The following DSG3 variants were observed in gnomAD, a reference collection of about 807,000 sequenced individuals.
DSG3 encodes desmoglein-3.
Under a neutral mutation model 85.9 loss-of-function variants are expected in DSG3, and 63 were observed. The ratio of observed to expected loss-of-function variants is 0.73; its 90% CI spans 0.60 to 0.90. DSG3 has a LOEUF of 0.90. DSG3 is among the 40% of genes least tolerant of loss of function. DSG3 has a pLI of 0.00. For synonymous variants in DSG3, 447 were observed against 441.9 expected (o/e 1.01, Z -0.14); for missense variants, 1,220 against 1,219.9 (o/e 1.00, Z 0.00).
Position 31,472,424 on chromosome 18 carries a change from G to A in DSG3, c.2037+1G>A. 6.2e-7 allele frequency: 1 copy of A among 1,610,024 alleles called. No homozygotes were observed. The highest frequency in any genetic ancestry group is 8.5e-7 in the Non-Finnish European group (1 of 1,178,858). ...TGAAGGAGCCCATCCTGAAGACAAGGTAAGCATCCAGTTCATAAATTATGT... is the reference window on the plus strand; with the variant it reads ...TGAAGGAGCCCATCCTGAAGACAAGATAAGCATCCAGTTCATAAATTATGT... On this transcript the variant is annotated splice_donor_variant, in intron 13 of 15. Transcript: ENST00000257189. LOFTEE classifies it high-confidence loss of function.
At chr18:31,448,060 T>C in intron 1 of DSG3, 135 bp downstream of exon 1, 1 of 545,750 alleles carries the variant, frequency 1.8e-6, no homozygotes, top group Non-Finnish European at 2.9e-6. Flanking sequence ...TGAAATGAAA[T>C]CGTGAAGATT....
intron 1 of DSG3, among the ~76,000 whole-genome samples, chr18:31,449,999 G>T (rs1207608841): frequency 9.2e-5 from 14 of 152,196 alleles, no homozygotes; most frequent in Admixed American, 9.2e-4. Context: ...TGAAATGATA[G>T]TATTTTGGAT....
intron 6 of DSG3, among the ~76,000 whole-genome samples, chr18:31,460,213 T>C (rs542845109): frequency 2.6e-5 from 4 of 152,160 alleles, no homozygotes; most frequent in African/African-American, 9.7e-5. Context: ...GCAGAATCAG[T>C]TGTACCCTGA....
In DSG3 at chr18:31,474,154, C is replaced by A. The variant is rs768429518; in HGVS notation, c.2135C>A (p.Ala712Glu). 1.5e-5 allele frequency: 25 copies of A among 1,613,858 alleles called. No homozygotes were observed. Among genetic ancestry groups the A allele is most frequent in the African/African-American group, 2.7e-5 (2 of 74,908 alleles). ...VCTNTYARGT[A>E]VEGTSGMEMT... ...ACAAATACGTATGCCAGAGGCACAG[C>A]GGTGGAAGGCACTTCAGGAATGGAA... is the stretch of plus-strand genomic sequence containing the variant. Residue 712 changes from alanine (A) to glutamate (E), a missense_variant, in exon 15 of 16, where the codon GCG (alanine) becomes GAG (glutamate). Coordinates refer to ENST00000257189, the MANE Select transcript of DSG3 (RefSeq NM_001944.3).
rs1355027466 is a variant in DSG3 at position 31,456,530 on chromosome 18, AT to A, written c.84+57del. ...AAATAATAGTTTAGTTTAAAAAAAAATTAAATTGTGTTTAGTAGAAATGAAT... is the reference window on the plus strand; with the variant it reads ...AAATAATAGTTTAGTTTAAAAAAAAATAAATTGTGTTTAGTAGAAATGAAT... On this transcript the variant is annotated intron_variant, in intron 2 of 15. Coordinates refer to ENST00000257189, the MANE Select transcript of DSG3 (RefSeq NM_001944.3). The A allele has an allele frequency of 6.0e-6, 6 of 1,001,924 alleles. No individual in the cohort carries two copies. The Admixed American group carries it at 1.2e-4, about 21-fold the overall frequency. The allele number at this position is 1,001,924 out of a possible 1,614,324, so 62.1% of individuals were successfully genotyped here.
Position 31,464,345 on chromosome 18 carries a change from A to G in DSG3, c.1234A>G (p.Ile412Val). ...VDYILGTYQA[I>V]DEDTNKAASN... ...TTATATCCTGGGAACATATCAAGCC[A>G]TCGATGAGGACACTAACAAAGCTGC... Residue 412 changes from isoleucine to valine, a missense_variant, in exon 9 of 16, where the codon ATC becomes GTC. Transcript: ENST00000257189. 6.2e-7 allele frequency: 1 copy of G among 1,613,946 alleles called. No individual in the cohort carries two copies. Among genetic ancestry groups the G allele is most frequent in the South Asian group, 1.1e-5 (1 of 91,002 alleles).
At chr18:31,459,632 G>C (rs761388258) in intron 5 of DSG3, among the ~76,000 whole-genome samples, 20 of 152,174 alleles carry the variant, frequency 1.3e-4, no homozygotes, top group Non-Finnish European at 2.9e-4. Flanking sequence ...AAGGCTTAGA[G>C]AGAATCGAAG....
chr18:31,458,738 C>G (rs943083713), intron 4 of DSG3, 138 bp downstream of exon 4: 4 of 1,035,400 alleles, frequency 3.9e-6, no homozygotes, highest in Admixed American at 2.8e-5. Flanking sequence ...ATATTAGTCC[C>G]TCCACAGAGC....
intron 9 of DSG3, 103 bp from the exon 10 acceptor site, chr18:31,465,215 T>C: frequency 1.3e-6 from 1 of 746,760 alleles, no homozygotes; most frequent in Non-Finnish European, 1.9e-6. Flanking sequence ...AATGTGAACA[T>C]ATATTAAATA....
intron 3 of DSG3, 121 bp from the exon 4 acceptor site, chr18:31,458,324 T>C: frequency 1.8e-6 from 2 of 1,119,374 alleles, no homozygotes; most frequent in Non-Finnish European, 2.5e-6. Context: ...AAAAAGTAAA[T>C]GGCACAATGT....
At chr18:31,457,543 CTTTCTCTTTCTTTCTT>C (rs1330452842) in intron 3 of DSG3, among the ~76,000 whole-genome samples, 5 of 126,462 alleles carry the variant, frequency 4.0e-5, no homozygotes, top group East Asian at 4.4e-4. Context: ...TTCTTTCTTT[CTTTCTCTTTCTTTCTT>C]TCTTTCTTTC....
At chr18:31,465,997 CAAGAA>C (rs2072816118) in intron 10 of DSG3, among the ~76,000 whole-genome samples, 1 of 152,036 alleles carries the variant, frequency 6.6e-6, no homozygotes, top group South Asian at 2.1e-4. Context: ...TTTGGGAAAA[CAAGAA>C]AAGAAGTAGT....
intron 1 of DSG3, among the ~76,000 whole-genome samples, chr18:31,449,617 G>A (rs1309737834): frequency 6.6e-6 from 1 of 152,088 alleles, no homozygotes; most frequent in African/African-American, 2.4e-5. Context: ...GCAATTGTTT[G>A]AAGAATGAGT....
chr18:31,471,745 A>G (rs573566379), intron 12 of DSG3, among the ~76,000 whole-genome samples: 8 of 152,250 alleles, frequency 5.3e-5, no homozygotes, highest in Non-Finnish European at 1.0e-4. Flanking sequence ...TTAAATTACA[A>G]TTAAGAATGC....
chr18:31,456,907 G>A, intron 2 of DSG3, 86 bp from the exon 3 acceptor site: 1 of 1,368,260 alleles, frequency 7.3e-7, no homozygotes, highest in South Asian at 1.5e-5. Context: ...AACATAGGGG[G>A]TTCCTCAACT....
intron 12 of DSG3, 26 bp from the exon 13 acceptor site, chr18:31,472,258 T>A: frequency 6.2e-7 from 1 of 1,613,990 alleles, no homozygotes; most frequent in South Asian, 1.1e-5. Context: ...TCAAGTGTTC[T>A]GATGTTTTGT....
rs1337411815 is a variant in DSG3, at chr18:31,476,220, C to G, written c.2960C>G (p.Thr987Ser). 2 of 1,613,814 alleles carry G rather than the reference C, an allele frequency of 1.2e-6. No homozygotes were observed. The highest frequency in any genetic ancestry group is 1.7e-6 in the Non-Finnish European group (2 of 1,179,896). Residue 987 changes from threonine (T) to serine (S), a missense_variant, in exon 16 of 16, where the codon ACT (threonine) becomes AGT (serine). Thr to Ser is a moderately conservative substitution (Grantham distance 58). Coordinates refer to ENST00000257189, the MANE Select transcript of DSG3 (RefSeq NM_001944.3). ...AGPTQLRGSH[T>S]MLCTEDPCSR... ...CCAACGCAGCTACGAGGGTCACATA[C>G]TATGCTCTGTACAGAGGATCCTTGC...
chr18:31,475,500 C>A, intron 15 of DSG3, 146 bp from the exon 16 acceptor site: 1 of 1,016,904 alleles, frequency 9.8e-7, no homozygotes, highest in Non-Finnish European at 1.4e-6. Context: ...ATGTTTTGAA[C>A]AAGATTGTTA....
Position 31,476,165 on chromosome 18 carries a change from A to G in DSG3, c.2905A>G (p.Ile969Val), listed in dbSNP as rs781097636. Residue 969 changes from isoleucine (I) to valine (V), a missense_variant, in exon 16 of 16, where the codon ATT becomes GTT. By Grantham distance (29) the Ile-to-Val change is conservative. Coordinates refer to ENST00000257189, the MANE Select transcript of DSG3 (RefSeq NM_001944.3). ...VIVTERVICPISSVPGNLAGP... is the reference protein window; with the variant it reads ...VIVTERVICPVSSVPGNLAGP... ...AGTGACAGAAAGGGTGATCTGTCCCATTTCCAGTGTTCCTGGCAACCTAGC... is the reference window on the plus strand; with the variant it reads ...AGTGACAGAAAGGGTGATCTGTCCCGTTTCCAGTGTTCCTGGCAACCTAGC... 6.2e-7 allele frequency: 1 copy of G among 1,614,144 alleles called. No homozygotes were observed. The highest frequency in any genetic ancestry group is 8.5e-7 in the Non-Finnish European group (1 of 1,180,018).
Sources: allele counts gnomAD v4.1 joint callset (sites outside exome capture counted in the v4.1 genomes callset), GRCh38; gene constraint gnomAD v4.1.1; transcripts MANE v1.5; gene names NCBI Gene and HGNC (gene_info 2026-07-23, HGNC 2026-07-21).